Variants in ROBO2 observed in about 807,000 individuals in gnomAD.
The protein encoded by ROBO2 is roundabout guidance receptor 2, also known as roundabout homolog 2.
A neutral mutation model predicts 160.8 loss-of-function variants in ROBO2; 53 were observed. The ratio of observed to expected loss-of-function variants is 0.33; its 90% CI spans 0.26 to 0.41. The LOEUF (loss-of-function observed/expected upper bound fraction) is 0.41. Ranked by LOEUF, ROBO2 falls within the 10% of genes least tolerant of loss-of-function variation. The pLI is 1.00. For synonymous variants in ROBO2, 664 were observed against 611.7 expected, an observed-to-expected ratio of 1.09 and a Z score of -1.26; for missense variants, 1,577 against 1,722.4, an observed-to-expected ratio of 0.92 and a Z score of 1.49.
chr3:77,611,154 T>C (rs9812282), intron 21 of ROBO2, among the ~76,000 whole-genome samples: 18,164 of 151,830 alleles, frequency 0.12, 1,703 homozygotes, highest in African/African-American at 0.25. Flanking sequence ...AAAAATTAGC[T>C]GGGCGAGGTG....
intron 2 of ROBO2, among the ~76,000 whole-genome samples, chr3:76,978,954 A>G (rs923566692): frequency 2.0e-5 from 3 of 151,666 alleles, no homozygotes; most frequent in Non-Finnish European, 4.4e-5. Flanking sequence ...TAAAAAAAAA[A>G]AAAAGAAAAA....
In ROBO2 at chr3:76,338,746, ATTAT is replaced by A. The variant is rs764827696; in HGVS notation, c.109+401147_109+401150del. The stretch of plus-strand genomic sequence containing the variant: ...TAATATTATATAGAAATTATGTATA[ATTAT>A]TTTTATTAATCAAATTTATTTTGTT... On this transcript the variant is annotated intron_variant, in intron 2 of 26. Transcript: ENST00000487694. Among the ~76,000 whole-genome samples the A allele has an allele frequency of 6.0e-5, 9 of 150,200 alleles. No individual in the cohort carries two copies. In the East Asian group the frequency reaches 1.6e-3, roughly 26 times the overall value.
intron 2 of ROBO2, among the ~76,000 whole-genome samples, chr3:77,279,141 CTT>C (rs1486492844): frequency 6.6e-6 from 1 of 151,922 alleles, no homozygotes; most frequent in Admixed American, 6.6e-5. Context: ...GAAAACGTCT[CTT>C]TTTTTCACGT....
chr3:77,610,005 T>G (rs2153697468), intron 21 of ROBO2, among the ~76,000 whole-genome samples: 1 of 151,060 alleles, frequency 6.6e-6, no homozygotes, highest in South Asian at 2.1e-4. Flanking sequence ...ACTTGAAAAT[T>G]ATTATTTTAA....
chr3:76,337,112 A>C (rs1317003668), intron 2 of ROBO2, among the ~76,000 whole-genome samples: 2 of 152,144 alleles, frequency 1.3e-5, no homozygotes, highest in African/African-American at 4.8e-5. Context: ...TTCTAGTGGG[A>C]TCCTGTCTGA....
intron 2 of ROBO2, among the ~76,000 whole-genome samples, chr3:77,296,625 C>G (rs58397405): frequency 0.035 from 5,366 of 152,080 alleles, 306 homozygotes; most frequent in African/African-American, 0.12. Flanking sequence ...TTTAGAGTAT[C>G]CCCAGGTGAT....
At chr3:76,225,657 T>TA (rs960703278) in intron 2 of ROBO2, among the ~76,000 whole-genome samples, 3 of 152,070 alleles carry the variant, frequency 2.0e-5, no homozygotes, top group African/African-American at 7.2e-5. Context: ...GAGGTTGCAG[T>TA]AAGCCAAGAT....
At chr3:77,182,578 G>A (rs1436704786) in intron 2 of ROBO2, among the ~76,000 whole-genome samples, 2 of 152,030 alleles carry the variant, frequency 1.3e-5, no homozygotes, top group East Asian at 3.9e-4. Context: ...AAATTGAGTA[G>A]TTTAGCCAAA....
At chr3:77,203,527 T>G (rs1474713907) in intron 2 of ROBO2, among the ~76,000 whole-genome samples, 1 of 152,238 alleles carries the variant, frequency 6.6e-6, no homozygotes, top group Non-Finnish European at 1.5e-5. Flanking sequence ...GTGCTGAAAT[T>G]TAAAATGTCA....
At chr3:77,201,462 T>A (rs1214344408) in intron 2 of ROBO2, among the ~76,000 whole-genome samples, 1 of 152,180 alleles carries the variant, frequency 6.6e-6, no homozygotes, top group African/African-American at 2.4e-5. Flanking sequence ...TAAGTTATAT[T>A]TATGATGTTA....
chr3:76,702,424 A>T (rs536438244), intron 2 of ROBO2, among the ~76,000 whole-genome samples: 4 of 152,010 alleles, frequency 2.6e-5, no homozygotes, highest in African/African-American at 9.7e-5. Context: ...ATAGGGGGAA[A>T]AATCAATTGA....
chr3:77,210,843 G>T (rs2084044550), intron 2 of ROBO2, among the ~76,000 whole-genome samples: 2 of 151,876 alleles, frequency 1.3e-5, no homozygotes, highest in South Asian at 2.1e-4. Flanking sequence ...GTGGTGTTTG[G>T]TTGTCTGATC....
At chr3:76,254,735 C>CAG (rs36108761) in intron 2 of ROBO2, among the ~76,000 whole-genome samples, 52,433 of 148,460 alleles carry the variant, frequency 0.35, 10,355 homozygotes, top group Non-Finnish European at 0.46. Context: ...TACTCTCTCT[C>CAG]AGAGAGAGAG....
At chr3:77,535,730 G>C (rs2092053289) in intron 6 of ROBO2, among the ~76,000 whole-genome samples, 1 of 152,018 alleles carries the variant, frequency 6.6e-6, no homozygotes, top group Non-Finnish European at 1.5e-5. Flanking sequence ...GAATAATATG[G>C]GACAATGGAA....
At position 76,880,092 on chromosome 3, in the gene ROBO2, T is replaced by C; in HGVS notation, c.110-217922T>C. ...ATCCTTATTTCTGTAATGTTTGAAA[T>C]TTCTCCCCTCGAAGTGTTTTTTAAT... On this transcript the variant is annotated intron_variant, in intron 2 of 26. Transcript: ENST00000487694. Among the ~76,000 whole-genome samples, 2 of 152,122 alleles carry C rather than the reference T, an allele frequency of 1.3e-5. 1 individual carries two copies.
chr3:77,013,052 A>G (rs1036672316), intron 2 of ROBO2, among the ~76,000 whole-genome samples: 1 of 152,154 alleles, frequency 6.6e-6, no homozygotes, highest in Non-Finnish European at 1.5e-5. Context: ...TATGAATTAG[A>G]AAATATGGTT....
chr3:77,335,185 T>G (rs2066366197), intron 2 of ROBO2, among the ~76,000 whole-genome samples: 1 of 152,104 alleles, frequency 6.6e-6, no homozygotes, highest in Non-Finnish European at 1.5e-5. Flanking sequence ...CTTAGGGAGA[T>G]TCTTTGAGGA....
intron 2 of ROBO2, among the ~76,000 whole-genome samples, chr3:76,253,804 T>C (rs6770083): frequency 0.84 from 127,471 of 151,398 alleles, 55,252 homozygotes; most frequent in South Asian, 0.96. Context: ...AAATCTCTCT[T>C]GGTGTGAAAG....
At chr3:76,305,033 G>T (rs974197544) in intron 2 of ROBO2, among the ~76,000 whole-genome samples, 2 of 151,732 alleles carry the variant, frequency 1.3e-5, no homozygotes, top group South Asian at 2.1e-4. Context: ...ATATAAATAG[G>T]ATATTTTACA....
Sources: gnomAD v4.1 joint callset for allele counts (sites outside exome capture counted in the v4.1 genomes callset) on GRCh38, gnomAD v4.1.1 for gene constraint, MANE v1.5 for transcripts, NCBI Gene and HGNC (gene_info 2026-07-23, HGNC 2026-07-21) for gene names.